The following LRFN5 variants were observed in gnomAD, a reference collection of about 807,000 sequenced individuals.
LRFN5 encodes leucine-rich repeat and fibronectin type-III domain-containing protein 5.
LRFN5 carries 24 observed loss-of-function variants against 45.6 expected under a neutral mutation model. That is an observed-to-expected ratio of 0.53 (90% CI 0.38 to 0.74). LRFN5 has a LOEUF of 0.74. Among genes scored for constraint, LRFN5 ranks in the 30% least tolerant of loss-of-function variants. LRFN5 has a pLI of 0.00. For synonymous variants in LRFN5, 340 were observed against 313.8 expected (o/e 1.08, Z -0.88); for missense variants, 776 against 861.5 (o/e 0.90, Z 1.24).
intron 1 of LRFN5, among the ~76,000 whole-genome samples, chr14:41,662,730 C>T (rs1400477256): frequency 2.6e-5 from 4 of 152,134 alleles, no homozygotes; most frequent in East Asian, 1.9e-4. Context: ...TTTATCATCA[C>T]ATCAGTCTAT....
At chr14:41,877,472 G>T (rs1490001400) in intron 2 of LRFN5, among the ~76,000 whole-genome samples, 5 of 151,518 alleles carry the variant, frequency 3.3e-5, no homozygotes, top group African/African-American at 1.2e-4. Flanking sequence ...ATAAAATAAA[G>T]AAATTACTAC....
chr14:41,883,379 C>A (rs1332439386), intron 2 of LRFN5, among the ~76,000 whole-genome samples: 1 of 152,074 alleles, frequency 6.6e-6, no homozygotes, highest in East Asian at 1.9e-4. Context: ...GCATACATAT[C>A]TACAGATGTA....
chr14:41,749,626 T>G lies in LRFN5; in HGVS notation c.-196-17228T>G, dbSNP rs533527098. On this transcript the variant is annotated intron_variant, in intron 1 of 5. Coordinates refer to ENST00000298119, the MANE Select transcript of LRFN5 (RefSeq NM_152447.5). Reference sequence around the variant, plus strand: ...GTGAAAGTGAAACCATATGACCTTATGAATGCAAAGAAGGAAACAATAGAC... The same window carrying G: ...GTGAAAGTGAAACCATATGACCTTAGGAATGCAAAGAAGGAAACAATAGAC... 2.6e-5 allele frequency among the ~76,000 whole-genome samples: 4 copies of G among 152,108 alleles called. 1 individual carries two copies. Among genetic ancestry groups the G allele is most frequent in the African/African-American group, 9.6e-5 (4 of 41,478 alleles).
chr14:41,657,671 C>T (rs1880443209), intron 1 of LRFN5, among the ~76,000 whole-genome samples: 2 of 151,798 alleles, frequency 1.3e-5, no homozygotes, highest in Non-Finnish European at 1.5e-5. Flanking sequence ...TGTTAGACAC[C>T]TTTGTGATGA....
intron 4 of LRFN5, chr14:41,893,180 T>C (rs2139165989): frequency 1.8e-5 from 18 of 982,078 alleles, no homozygotes; most frequent in Non-Finnish European, 1.9e-5. Context: ...GAAATCATGC[T>C]GCTTAGTGAG....
chr14:41,678,001 A>G (rs1042703624), intron 1 of LRFN5, among the ~76,000 whole-genome samples: 1 of 152,076 alleles, frequency 6.6e-6, no homozygotes, highest in African/African-American at 2.4e-5. Context: ...AAATATTGTC[A>G]GAGATTGTCA....
chr14:41,696,259 G>A (rs2138715510), intron 1 of LRFN5, among the ~76,000 whole-genome samples: 1 of 152,040 alleles, frequency 6.6e-6, no homozygotes, highest in Non-Finnish European at 1.5e-5. Context: ...AGTCTTTTCA[G>A]ATGAAAAGTA....
At chr14:41,842,583 G>A (rs1179562944) in intron 2 of LRFN5, among the ~76,000 whole-genome samples, 1 of 151,986 alleles carries the variant, frequency 6.6e-6, no homozygotes, top group Non-Finnish European at 1.5e-5. Flanking sequence ...TGGATTATAA[G>A]CATTAAATAC....
intron 2 of LRFN5, among the ~76,000 whole-genome samples, chr14:41,839,696 A>G (rs1223800826): frequency 6.6e-6 from 1 of 152,170 alleles, no homozygotes; most frequent in Non-Finnish European, 1.5e-5. Context: ...TCAACTCACC[A>G]AAGCTATTTC....
At chr14:41,841,969 T>G (rs969474781) in intron 2 of LRFN5, among the ~76,000 whole-genome samples, 1 of 151,986 alleles carries the variant, frequency 6.6e-6, no homozygotes, top group African/African-American at 2.4e-5. Flanking sequence ...ATTGAGGTAA[T>G]TTATGTCTTT....
intron 1 of LRFN5, among the ~76,000 whole-genome samples, chr14:41,722,678 A>G (rs146619650): frequency 4.6e-5 from 7 of 151,606 alleles, no homozygotes; most frequent in African/African-American, 1.7e-4. Flanking sequence ...TATGCATTTC[A>G]GCAGATTTTA....
chr14:41,687,769 T>A (rs1173527763), intron 1 of LRFN5, among the ~76,000 whole-genome samples: 2 of 152,078 alleles, frequency 1.3e-5, no homozygotes, highest in Non-Finnish European at 2.9e-5. Flanking sequence ...TTCTCACTCA[T>A]AACACATGGA....
At chr14:41,738,186 A>G (rs1884528598) in intron 1 of LRFN5, among the ~76,000 whole-genome samples, 2 of 152,206 alleles carry the variant, frequency 1.3e-5, no homozygotes, top group African/African-American at 4.8e-5. Context: ...CTCGGAAATG[A>G]CACCACACAT....
chr14:41,781,634 GGAA>G (rs1886523319), intron 2 of LRFN5, among the ~76,000 whole-genome samples: 2 of 114,932 alleles, frequency 1.7e-5, no homozygotes, highest in African/African-American at 7.0e-5. Flanking sequence ...AAGAAAGAAA[GGAA>G]AGAAAGAAAG....
intron 1 of LRFN5, among the ~76,000 whole-genome samples, chr14:41,613,631 A>G (rs1208245896): frequency 6.6e-6 from 1 of 151,998 alleles, no homozygotes; most frequent in Non-Finnish European, 1.5e-5. Flanking sequence ...TTTAGATTTT[A>G]CAAGAATAAA....
At chr14:41,815,977 T>G (rs528258449) in intron 2 of LRFN5, among the ~76,000 whole-genome samples, 41 of 152,214 alleles carry the variant, frequency 2.7e-4, no homozygotes, top group African/African-American at 8.7e-4. Flanking sequence ...TTTAATTTCA[T>G]TTTTTAGAGT....
chr14:41,856,755 C>T (rs1889483886), intron 2 of LRFN5, among the ~76,000 whole-genome samples: 1 of 134,346 alleles, frequency 7.4e-6, no homozygotes, highest in South Asian at 2.5e-4. Context: ...CCGCTCACTG[C>T]AAGCTCCGCC....
chr14:41,702,427 G>A lies in LRFN5; in HGVS notation c.-196-64427G>A, dbSNP rs368123698. The stretch of plus-strand genomic sequence containing the variant: ...ATAATTAAAGCAGCTTCTATTCAAG[G>A]GCTGAATGTGATTCTTCTTGTTGGT... On this transcript the variant is annotated intron_variant, in intron 1 of 5. Coordinates refer to ENST00000298119, the MANE Select transcript of LRFN5 (RefSeq NM_152447.5). Among the ~76,000 whole-genome samples the A allele has an allele frequency of 7.2e-5, 11 of 152,036 alleles. No individual in the cohort carries two copies. The East Asian group carries it at 1.4e-3, about 19-fold the overall frequency.
At chr14:41,688,759 A>G (rs932121110) in intron 1 of LRFN5, among the ~76,000 whole-genome samples, 65 of 152,226 alleles carry the variant, frequency 4.3e-4, no homozygotes, top group African/African-American at 1.5e-3. Flanking sequence ...TCAGAGGTCA[A>G]TGTAGACCTG....
Sources: allele counts gnomAD v4.1 joint callset (sites outside exome capture counted in the v4.1 genomes callset), GRCh38; gene constraint gnomAD v4.1.1; transcripts MANE v1.5; gene names NCBI Gene and HGNC (gene_info 2026-07-23, HGNC 2026-07-21).